The following CNTNAP2 variants were observed in gnomAD, a reference collection of about 807,000 sequenced individuals.
CNTNAP2 encodes contactin-associated protein-like 2.
CNTNAP2 carries 98 observed loss-of-function variants against 155.2 expected under a neutral mutation model. That is an observed-to-expected ratio of 0.63 (90% CI 0.54 to 0.75). The LOEUF (loss-of-function observed/expected upper bound fraction) is 0.75, where lower values mean the gene tolerates loss of function less well. Among genes scored for constraint, CNTNAP2 ranks in the 30% least tolerant of loss-of-function variants. The probability of loss-of-function intolerance (pLI) is 0.00; values close to 1 mark genes in which losing one functional copy is unlikely to be tolerated. For synonymous variants in CNTNAP2, 651 were observed against 631.2 expected, an observed-to-expected ratio of 1.03 and a Z score of -0.47; for missense variants, 1,727 against 1,688.1, an observed-to-expected ratio of 1.02 and a Z score of -0.40.
chr7:146,297,888 C>T (rs1431866862), intron 1 of CNTNAP2, among the ~76,000 whole-genome samples: 1 of 152,086 alleles, frequency 6.6e-6, no homozygotes, highest in Non-Finnish European at 1.5e-5. Context: ...TGTACCCTTG[C>T]ATACACAGAC....
intron 8 of CNTNAP2, chr7:147,167,444 T>A (rs978833917): frequency 7.5e-7 from 1 of 1,324,690 alleles, no homozygotes; most frequent in African/African-American, 1.5e-5. Flanking sequence ...TTGGAGACCC[T>A]AACTTGGAGT....
chr7:147,382,188 C>A (rs757665476), intron 9 of CNTNAP2, among the ~76,000 whole-genome samples: 34 of 152,028 alleles, frequency 2.2e-4, no homozygotes, highest in Non-Finnish European at 4.4e-4. Flanking sequence ...TGGGCATTTT[C>A]AAAATTCCTG....
At chr7:146,638,476 C>CTTTCTTTCTTTTT (rs1383622498) in intron 1 of CNTNAP2, among the ~76,000 whole-genome samples, 1 of 64,332 alleles carries the variant, frequency 1.6e-5, no homozygotes, top group Admixed American at 1.5e-4. Flanking sequence ...TCAGGTGTTT[C>CTTTCTTTCTTTTT]TTTTTTTTTT....
At chr7:147,440,316 C>G (rs1449764110) in intron 10 of CNTNAP2, among the ~76,000 whole-genome samples, 1 of 152,016 alleles carries the variant, frequency 6.6e-6, no homozygotes, top group East Asian at 1.9e-4. Context: ...AACTTAACAT[C>G]ATTTGCATAA....
intron 15 of CNTNAP2, among the ~76,000 whole-genome samples, chr7:148,028,583 A>G (rs1306659130): frequency 6.6e-6 from 1 of 152,190 alleles, no homozygotes; most frequent in Non-Finnish European, 1.5e-5. Flanking sequence ...CTCAAAATAT[A>G]TACATATGTT....
At chr7:146,961,055 A>G (rs888965205) in intron 3 of CNTNAP2, among the ~76,000 whole-genome samples, 18 of 152,174 alleles carry the variant, frequency 1.2e-4, no homozygotes, top group African/African-American at 4.3e-4. Context: ...ATTTTAGACA[A>G]TTACATTTAT....
At chr7:146,298,321 T>C (rs1800548960) in intron 1 of CNTNAP2, among the ~76,000 whole-genome samples, 1 of 152,304 alleles carries the variant, frequency 6.6e-6, no homozygotes, top group South Asian at 2.1e-4. Context: ...AGGGTTTTCC[T>C]GCAGAAGGCT....
chr7:148,361,555 T>C (rs1798620327), intron 21 of CNTNAP2, among the ~76,000 whole-genome samples: 1 of 152,148 alleles, frequency 6.6e-6, no homozygotes, highest in African/African-American at 2.4e-5. Context: ...TCTGGGCTTG[T>C]AGAAGCATAA....
chr7:146,342,659 G>A (rs111763310), intron 1 of CNTNAP2, among the ~76,000 whole-genome samples: 1 of 152,100 alleles, frequency 6.6e-6, no homozygotes, highest in Non-Finnish European at 1.5e-5. Context: ...ACAGAATAAG[G>A]TGTATCTATG....
intron 18 of CNTNAP2, among the ~76,000 whole-genome samples, chr7:148,174,931 C>T (rs1390627883): frequency 6.6e-6 from 1 of 152,090 alleles, no homozygotes; most frequent in Non-Finnish European, 1.5e-5. Context: ...CAACAGACCC[C>T]TGTGTGTGAT....
intron 1 of CNTNAP2, among the ~76,000 whole-genome samples, chr7:146,672,352 A>G (rs1800325149): frequency 6.6e-6 from 1 of 152,220 alleles, no homozygotes; most frequent in Admixed American, 6.5e-5. Flanking sequence ...GAGTAATTCT[A>G]CATAGACAAT....
At chr7:146,874,844 T>A (rs1795387717) in intron 3 of CNTNAP2, among the ~76,000 whole-genome samples, 1 of 152,188 alleles carries the variant, frequency 6.6e-6, no homozygotes, top group Non-Finnish European at 1.5e-5. Context: ...TATTTCAGAG[T>A]CTTATCAGTT....
At chr7:147,351,393 A>C (rs1795966410) in intron 9 of CNTNAP2, among the ~76,000 whole-genome samples, 1 of 151,668 alleles carries the variant, frequency 6.6e-6, no homozygotes, top group African/African-American at 2.4e-5. Context: ...ATAGTTTATA[A>C]AAAAAATAGA....
intron 21 of CNTNAP2, among the ~76,000 whole-genome samples, chr7:148,371,438 C>G (rs1627217): frequency 2.6e-5 from 4 of 151,942 alleles, no homozygotes; most frequent in Non-Finnish European, 5.9e-5. Context: ...CTTTGGCTCA[C>G]GATAATGTCC....
At chr7:147,862,562 A>G (rs1033734285) in intron 13 of CNTNAP2, among the ~76,000 whole-genome samples, 15 of 152,106 alleles carry the variant, frequency 9.9e-5, no homozygotes, top group African/African-American at 3.4e-4. Context: ...TCAGCTTAAA[A>G]TCTTTATAAC....
At chr7:147,021,824 A>G (rs1798822418) in intron 3 of CNTNAP2, among the ~76,000 whole-genome samples, 1 of 152,132 alleles carries the variant, frequency 6.6e-6, no homozygotes, top group African/African-American at 2.4e-5. Flanking sequence ...ATTTGATAAC[A>G]ATTTCTTATT....
At chr7:147,677,443 A>G (rs750607675) in intron 13 of CNTNAP2, among the ~76,000 whole-genome samples, 59 of 151,744 alleles carry the variant, frequency 3.9e-4, no homozygotes, top group Non-Finnish European at 5.3e-4. Flanking sequence ...GTTTGCAAAT[A>G]TTTTCTTTCC....
chr7:147,962,154 G>A (rs1306478162), intron 14 of CNTNAP2, among the ~76,000 whole-genome samples: 1 of 152,228 alleles, frequency 6.6e-6, no homozygotes, highest in Non-Finnish European at 1.5e-5. Flanking sequence ...GCAGTGCCTG[G>A]AATGTAGTGG....
chr7:147,867,515 T>G (rs1038665580), intron 13 of CNTNAP2, among the ~76,000 whole-genome samples: 2 of 152,202 alleles, frequency 1.3e-5, no homozygotes, highest in African/African-American at 4.8e-5. Context: ...GTTGGGGAAG[T>G]TCTCCTGGAT....
Sources: allele counts gnomAD v4.1 joint callset (sites outside exome capture counted in the v4.1 genomes callset), GRCh38; gene constraint gnomAD v4.1.1; transcripts MANE v1.5; gene names NCBI Gene and HGNC (gene_info 2026-07-23, HGNC 2026-07-21).